The following MIS18A variants were observed in gnomAD, a reference collection of about 807,000 sequenced individuals.
MIS18A encodes the protein MIS18 kinetochore protein A.
MIS18A carries 14 observed loss-of-function variants against 25.0 expected under a neutral mutation model. The observed-to-expected ratio is 0.56, with a 90% CI of 0.37 to 0.88. The LOEUF is 0.88. Ranked by LOEUF, MIS18A falls within the 40% of genes least tolerant of loss-of-function variation. The probability of loss-of-function intolerance (pLI) is 0.00; values close to 1 mark genes in which losing one functional copy is unlikely to be tolerated. For synonymous variants in MIS18A, 134 were observed against 118.6 expected (o/e 1.13, Z -0.84); for missense variants, 292 against 290.8 (o/e 1.00, Z -0.03).
chr21:32,171,995 T>G, the MIS18A span, among the ~76,000 whole-genome samples: 1 of 152,044 alleles, frequency 6.6e-6, no homozygotes, highest in African/African-American at 2.4e-5. Flanking sequence ...GAATAGCCAT[T>G]TCTCTGAAGA....
At chr21:32,256,949 A>G in the MIS18A span, among the ~76,000 whole-genome samples, 1 of 152,172 alleles carries the variant, frequency 6.6e-6, no homozygotes, top group East Asian at 1.9e-4. Flanking sequence ...GCTCATTCAC[A>G]GATTGTTTTC....
At chr21:32,198,638 G>A in the MIS18A span, among the ~76,000 whole-genome samples, 1 of 152,228 alleles carries the variant, frequency 6.6e-6, no homozygotes, top group Non-Finnish European at 1.5e-5. Flanking sequence ...GGAAGAGTGA[G>A]GGGCTGTCCC....
At chr21:32,156,245 T>A in the MIS18A span, among the ~76,000 whole-genome samples, 1 of 152,330 alleles carries the variant, frequency 6.6e-6, no homozygotes, top group African/African-American at 2.4e-5. Flanking sequence ...CCTCTCTGCT[T>A]ATTAGGTAGC....
At chr21:32,176,217 A>T in the MIS18A span, among the ~76,000 whole-genome samples, 3 of 152,222 alleles carry the variant, frequency 2.0e-5, no homozygotes, top group African/African-American at 7.2e-5. Context: ...GTTTATTATC[A>T]TTATCGAGTA....
At chr21:32,266,428 G>A (rs930864242), downstream of MIS18A, among the ~76,000 whole-genome samples, 1 of 152,034 alleles carries the variant, frequency 6.6e-6, no homozygotes, top group Admixed American at 6.5e-5. Context: ...CTTCCACACT[G>A]TGGAAGCTTT....
chr21:32,196,718 T>G, the MIS18A span, among the ~76,000 whole-genome samples: 1 of 152,140 alleles, frequency 6.6e-6, no homozygotes, highest in African/African-American at 2.4e-5. Flanking sequence ...CCTCCCAAAG[T>G]GCTGGGATTA....
the MIS18A span, among the ~76,000 whole-genome samples, chr21:32,236,784 G>C: frequency 3.9e-5 from 6 of 152,166 alleles, no homozygotes; most frequent in Admixed American, 1.3e-4. Flanking sequence ...CTACCTGCAA[G>C]GGAGGCTGGC....
chr21:32,210,592 AT>A, the MIS18A span, among the ~76,000 whole-genome samples: 1 of 152,116 alleles, frequency 6.6e-6, no homozygotes, highest in Non-Finnish European at 1.5e-5. Flanking sequence ...CATTGACTTT[AT>A]GATGTCATGA....
the MIS18A span, among the ~76,000 whole-genome samples, chr21:32,188,288 A>T: frequency 6.6e-6 from 1 of 152,232 alleles, no homozygotes; most frequent in Non-Finnish European, 1.5e-5. Context: ...GAGACAAAGG[A>T]CTTTACTACT....
the MIS18A span, among the ~76,000 whole-genome samples, chr21:32,248,565 C>G: frequency 6.6e-6 from 1 of 152,226 alleles, no homozygotes; most frequent in South Asian, 2.1e-4. Flanking sequence ...ACAGTCGGAG[C>G]CACAGGTAAA....
At chr21:32,171,773 T>C in the MIS18A span, among the ~76,000 whole-genome samples, 2 of 152,064 alleles carry the variant, frequency 1.3e-5, no homozygotes, top group Admixed American at 6.5e-5. Context: ...TGAAACATTG[T>C]TATACGGCAC....
chr21:32,169,530 A>G, the MIS18A span, among the ~76,000 whole-genome samples: 1 of 152,190 alleles, frequency 6.6e-6, no homozygotes, highest in Non-Finnish European at 1.5e-5. Flanking sequence ...AAAGGCCATG[A>G]GCATGGCTAG....
chr21:32,202,114 C>T, the MIS18A span, among the ~76,000 whole-genome samples: 1 of 151,910 alleles, frequency 6.6e-6, no homozygotes, highest in African/African-American at 2.4e-5. Context: ...CATGGCGAGA[C>T]GTTGTCTCTA....
chr21:32,187,423 T>C, the MIS18A span, among the ~76,000 whole-genome samples: 612 of 152,238 alleles, frequency 4.0e-3, 7 homozygotes, highest in African/African-American at 0.014. Flanking sequence ...CCAGGTGACC[T>C]TGGGTTTGGG....
chr21:32,164,353 G>A, the MIS18A span, among the ~76,000 whole-genome samples: 17 of 152,212 alleles, frequency 1.1e-4, no homozygotes, highest in African/African-American at 3.4e-4. Flanking sequence ...TTCAATTACC[G>A]GCGTGAGAGT....
At position 32,278,820 on chromosome 21, in the gene MIS18A, C is replaced by T; in HGVS notation, c.195G>A (p.Glu65=). Residue 65 remains glutamate (E), a synonymous_variant, in exon 1 of 5, where the codon GAG becomes GAA. Coordinates refer to ENST00000290130, the MANE Select transcript of MIS18A (RefSeq NM_018944.3). ...CCGCCTCCTCCTCCAGCTGCGCCCT[C>T]TCCATGTCGGCCACCGACGCGTCTT... ...MSEDASVADM[E]RAQLEEEAAA... is the part of the protein sequence containing the mutation. 6.2e-7 allele frequency: 1 copy of T among 1,600,878 alleles called. No homozygotes were observed.
chr21:32,252,323 G>A, the MIS18A span, among the ~76,000 whole-genome samples: 2 of 146,782 alleles, frequency 1.4e-5, 1 homozygote, highest in South Asian at 4.4e-4. Flanking sequence ...AAGGAAAGAA[G>A]GAAGGAAGGA....
the MIS18A span, among the ~76,000 whole-genome samples, chr21:32,241,896 T>C: frequency 1.8e-3 from 1 of 556 alleles, no homozygotes; most frequent in East Asian, 0.083. Flanking sequence ...GTTGTTGTTG[T>C]TGAGACGGAG....
the MIS18A span, among the ~76,000 whole-genome samples, chr21:32,187,011 A>G: frequency 6.6e-6 from 1 of 152,180 alleles, no homozygotes; most frequent in Admixed American, 6.5e-5. Context: ...ATAACATGAC[A>G]TATGAATGCT....
Sources: allele counts gnomAD v4.1 joint callset (sites outside exome capture counted in the v4.1 genomes callset), GRCh38; gene constraint gnomAD v4.1.1; transcripts MANE v1.5; gene names NCBI Gene and HGNC (gene_info 2026-07-23, HGNC 2026-07-21).